SYCP1: variants seen among roughly 807,000 people sequenced by gnomAD.
The protein encoded by SYCP1 is cancer/testis antigen 8.
A neutral mutation model predicts 153.1 loss-of-function variants in SYCP1; 64 were observed. The ratio of observed to expected loss-of-function variants is 0.42; its 90% CI spans 0.34 to 0.51. The LOEUF (loss-of-function observed/expected upper bound fraction) is 0.51. Among genes scored for constraint, SYCP1 ranks in the 20% least tolerant of loss-of-function variants. The pLI is 0.06. For missense variants in SYCP1, 997 were observed against 1,049.0 expected, an observed-to-expected ratio of 0.95 and a Z score of 0.68; for synonymous variants, 384 against 341.8, an observed-to-expected ratio of 1.12 and a Z score of -1.36.
chr1:114,922,439 G>T (rs1668955596), intron 20 of SYCP1, among the ~76,000 whole-genome samples: 1 of 152,100 alleles, frequency 6.6e-6, no homozygotes, highest in Non-Finnish European at 1.5e-5. Context: ...TCAGCTTCTT[G>T]GAAGGCCTTA....
intron 25 of SYCP1, 37 bp downstream of exon 25, chr1:114,945,019 T>C (rs1320545575): frequency 5.1e-6 from 7 of 1,371,342 alleles, no homozygotes; most frequent in Admixed American, 4.7e-5. Context: ...AAATTATTAA[T>C]TGGAGCCATA....
intron 20 of SYCP1, among the ~76,000 whole-genome samples, chr1:114,915,807 T>C (rs1373442791): frequency 1.3e-5 from 2 of 152,166 alleles, no homozygotes; most frequent in South Asian, 2.1e-4. Flanking sequence ...TTTGGTTTTG[T>C]ATAAAAGGCA....
chr1:114,907,739 G>C (rs990026457), intron 16 of SYCP1, among the ~76,000 whole-genome samples: 1 of 151,838 alleles, frequency 6.6e-6, no homozygotes, highest in Non-Finnish European at 1.5e-5. Context: ...CCGCCATGAC[G>C]CCTGGCTAAT....
intron 15 of SYCP1, among the ~76,000 whole-genome samples, chr1:114,893,910 G>C (rs1042984390): frequency 2.1e-4 from 32 of 151,108 alleles, no homozygotes; most frequent in Non-Finnish European, 1.3e-4. Context: ...TTTGTGGTGA[G>C]AGGTATGGTC....
chr1:114,957,132 A>G (rs1255207091), intron 27 of SYCP1, among the ~76,000 whole-genome samples: 1 of 151,912 alleles, frequency 6.6e-6, no homozygotes, highest in Non-Finnish European at 1.5e-5. Flanking sequence ...TGGTACAATC[A>G]TAGCTCACTG....
chr1:114,949,277 A>G (rs1337413405), intron 27 of SYCP1, among the ~76,000 whole-genome samples: 11 of 152,180 alleles, frequency 7.2e-5, no homozygotes, highest in Admixed American at 1.3e-4. Context: ...TACTATAATG[A>G]GGAAAAAATC....
At chr1:114,898,888 T>A (rs550994534) in intron 16 of SYCP1, among the ~76,000 whole-genome samples, 1 of 152,164 alleles carries the variant, frequency 6.6e-6, no homozygotes, top group Admixed American at 6.5e-5. Context: ...CTGAGTTGGG[T>A]AATCCTCTCC....
intron 27 of SYCP1, among the ~76,000 whole-genome samples, chr1:114,967,420 T>TG: frequency 6.6e-6 from 1 of 152,370 alleles, no homozygotes; most frequent in Non-Finnish European, 1.5e-5. Context: ...CCTTTACCAT[T>TG]ATGTAATGCC....
In SYCP1 at chr1:114,895,307, C is replaced by G. The variant is rs1666983048; in HGVS notation, c.1259-141C>G. The stretch of plus-strand genomic sequence containing the variant: ...AGCTTTTCATAGTTAGATTTGGACT[C>G]CCTCTATGCTTTACATTGCTCTAGT... On this transcript the variant is annotated intron_variant, in intron 15 of 31. Transcript: ENST00000369522. 3 of 415,944 alleles carry G rather than the reference C, an allele frequency of 7.2e-6. No homozygotes were observed. The East Asian group carries it at 1.1e-4, about 15-fold the overall frequency. 25.8% of individuals were successfully genotyped at this position (415,944 alleles called of 1,614,324 possible).
Position 114,856,737 on chromosome 1 carries a change from A to C in SYCP1, c.193+80A>C. On this transcript the variant is annotated intron_variant, in intron 3 of 31. Transcript: ENST00000369522. Reference sequence around the variant, plus strand: ...CATCGATAGTTATTGAAAATGTAACATAAGTATTATATAAGTATAATTGAC... The same window carrying C: ...CATCGATAGTTATTGAAAATGTAACCTAAGTATTATATAAGTATAATTGAC... 5 of 1,039,350 alleles carry C rather than the reference A, an allele frequency of 4.8e-6. No homozygotes were observed. In the South Asian group the frequency reaches 8.2e-5, roughly 17 times the overall value. 64.4% of individuals were successfully genotyped at this position (1,039,350 alleles called of 1,614,324 possible).
At chr1:114,897,616 A>G (rs1172092096) in intron 16 of SYCP1, among the ~76,000 whole-genome samples, 1 of 152,176 alleles carries the variant, frequency 6.6e-6, no homozygotes, top group African/African-American at 2.4e-5. Flanking sequence ...CTCCCATAGT[A>G]CAGAGACACA....
chr1:114,917,392 T>C (rs571573925), intron 20 of SYCP1, among the ~76,000 whole-genome samples: 1 of 152,326 alleles, frequency 6.6e-6, no homozygotes, highest in African/African-American at 2.4e-5. Flanking sequence ...CATTCACCTG[T>C]TGATGGACAC....
intron 6 of SYCP1, 72 bp downstream of exon 6, chr1:114,858,783 A>C: frequency 7.7e-7 from 1 of 1,301,570 alleles, no homozygotes. Flanking sequence ...GTAGAGTATT[A>C]GTTGGGATAA....
intron 8 of SYCP1, among the ~76,000 whole-genome samples, chr1:114,864,085 G>C (rs190561273): frequency 1.8e-4 from 27 of 150,526 alleles, no homozygotes; most frequent in Non-Finnish European, 2.7e-4. Context: ...CACATGTATA[G>C]CTATGTAACA....
rs1225582917 is a variant in SYCP1, at chr1:114,871,152, T to C, written c.599-3354T>C. 4.6e-5 allele frequency among the ~76,000 whole-genome samples: 7 copies of C among 152,166 alleles called. No homozygotes were observed. In the East Asian group the frequency reaches 5.8e-4, roughly 13 times the overall value. ...GTTACAGTGAGTACCTTATAATTCT[T>C]TCCTCCCATCTTTTTTTTTTCTTTT... On this transcript the variant is annotated intron_variant, in intron 8 of 31. Coordinates refer to ENST00000369522, the MANE Select transcript of SYCP1 (RefSeq NM_003176.4).
chr1:114,995,010 A>T lies in SYCP1; in HGVS notation c.2922A>T (p.Leu974Phe). The T allele has an allele frequency of 6.3e-7, 1 of 1,597,460 alleles. No homozygotes were observed. The highest frequency in any genetic ancestry group is 8.5e-7 in the Non-Finnish European group (1 of 1,173,490). ...AAAAACTAAAAGAAGCTGAAAAGTTATTTGTTTAATTTCAGAGAATCAGTG... is the reference window on the plus strand; with the variant it reads ...AAAAACTAAAAGAAGCTGAAAAGTTTTTTGTTTAATTTCAGAGAATCAGTG... ...RKKKLKEAEK[L>F]FV The change falls in exon 32 of 32, where the codon TTA becomes TTT. Residue 974 changes from leucine to phenylalanine, a missense_variant. Leu to Phe is a conservative substitution (Grantham distance 22). Coordinates refer to ENST00000369522, the MANE Select transcript of SYCP1 (RefSeq NM_003176.4).
At chr1:114,973,823 TTTC>T (rs1476755510) in intron 27 of SYCP1, among the ~76,000 whole-genome samples, 1 of 151,904 alleles carries the variant, frequency 6.6e-6, no homozygotes, top group East Asian at 1.9e-4. Context: ...GTACTTCAAA[TTTC>T]TTATATATTT....
chr1:114,982,042 C>T (rs1673190631), intron 29 of SYCP1, among the ~76,000 whole-genome samples: 1 of 152,024 alleles, frequency 6.6e-6, no homozygotes, highest in African/African-American at 2.4e-5. Context: ...TTTCATATAG[C>T]CACTTAATCC....
At chr1:114,944,771 T>C in intron 24 of SYCP1, 101 bp from the exon 25 acceptor site, 7 of 867,444 alleles carry the variant, frequency 8.1e-6, no homozygotes, top group Non-Finnish European at 8.9e-6. Context: ...TTTCCTGGTG[T>C]TTGAGGTTTG....
Sources: gnomAD v4.1 joint callset for allele counts (sites outside exome capture counted in the v4.1 genomes callset) on GRCh38, gnomAD v4.1.1 for gene constraint, MANE v1.5 for transcripts, NCBI Gene and HGNC (gene_info 2026-07-23, HGNC 2026-07-21) for gene names.